Variants in FGGY observed in about 807,000 individuals in gnomAD.
FGGY encodes the protein FGGY carbohydrate kinase domain containing.
In FGGY, 72 loss-of-function variants were observed where a neutral mutation model predicts 71.3. That is an observed-to-expected ratio of 1.01 (90% CI 0.84 to 1.23). The LOEUF (loss-of-function observed/expected upper bound fraction) is 1.23. FGGY is among the 50% of genes most tolerant of loss of function. The pLI is 0.00. For synonymous variants in FGGY, 251 were observed against 250.3 expected, an observed-to-expected ratio of 1.00 and a Z score of -0.02; for missense variants, 668 against 682.3, an observed-to-expected ratio of 0.98 and a Z score of 0.23.
intron 14 of FGGY, among the ~76,000 whole-genome samples, chr1:59,697,941 C>T (rs929918655): frequency 2.6e-5 from 4 of 152,106 alleles, no homozygotes; most frequent in Admixed American, 6.6e-5. Flanking sequence ...TCTTGGGTAA[C>T]GTGATTGAAC....
Position 59,512,414 on chromosome 1 carries a change from C to A in FGGY, c.774C>A (p.Leu258=). 1 of 1,613,858 alleles carries A rather than the reference C, an allele frequency of 6.2e-7. No homozygotes were observed. Among genetic ancestry groups the A allele is most frequent in the South Asian group, 1.1e-5 (1 of 91,030 alleles). ...LLPGIAVAAS[L]IDAHAGGLGV... is the part of the protein sequence containing the mutation. ...CTGGGATTGCGGTCGCAGCTTCACT[C>A]ATTGATGCCCATGCAGGAGGACTAG... is the stretch of plus-strand genomic sequence containing the variant. Residue 258 remains leucine, a synonymous_variant, in exon 7 of 16, where the codon CTC becomes CTA. Transcript: ENST00000303721.
intron 1 of FGGY, among the ~76,000 whole-genome samples, chr1:59,317,586 A>G (rs1019198598): frequency 6.6e-6 from 1 of 152,240 alleles, no homozygotes; most frequent in Non-Finnish European, 1.5e-5. Flanking sequence ...TTCATGACCC[A>G]GGAACAAAGG....
rs565967749 is a variant in FGGY at position 59,451,605 on chromosome 1, C to T, written c.555-5356C>T. 2.7e-4 allele frequency among the ~76,000 whole-genome samples: 41 copies of T among 151,996 alleles called. 1 individual carries two copies. Among genetic ancestry groups the T allele is most frequent in the Admixed American group, 9.8e-4 (15 of 15,260 alleles). On this transcript the variant is annotated intron_variant, in intron 5 of 15. Transcript: ENST00000303721. Reference sequence around the variant, plus strand: ...AAAGGGTCTCAGTGTCTACTGGTTCCTCTAGTCTTTGATTTCCACCATATT... The same window carrying T: ...AAAGGGTCTCAGTGTCTACTGGTTCTTCTAGTCTTTGATTTCCACCATATT...
intron 9 of FGGY, among the ~76,000 whole-genome samples, chr1:59,613,198 C>T (rs571031205): frequency 1.3e-5 from 2 of 152,274 alleles, no homozygotes; most frequent in East Asian, 3.9e-4. Flanking sequence ...AATATACATT[C>T]TTCTCAGCAA....
chr1:59,689,218 T>G (rs2097570247), intron 14 of FGGY, among the ~76,000 whole-genome samples: 1 of 152,100 alleles, frequency 6.6e-6, no homozygotes, highest in Non-Finnish European at 1.5e-5. Context: ...TGGCTTTGTG[T>G]AAGAAATGGG....
At chr1:59,462,081 G>T (rs2092281775) in intron 6 of FGGY, among the ~76,000 whole-genome samples, 2 of 151,830 alleles carry the variant, frequency 1.3e-5, no homozygotes, top group Non-Finnish European at 2.9e-5. Context: ...GCAGTGTTTG[G>T]TTTTTTGTCC....
chr1:59,655,820 CT>C (rs1444772455), intron 11 of FGGY, among the ~76,000 whole-genome samples: 5 of 152,086 alleles, frequency 3.3e-5, no homozygotes, highest in Admixed American at 6.5e-5. Context: ...GGTATTATCC[CT>C]TTTTTTGTGG....
intron 11 of FGGY, among the ~76,000 whole-genome samples, chr1:59,639,446 A>C (rs2096996254): frequency 6.6e-6 from 1 of 152,228 alleles, no homozygotes; most frequent in South Asian, 2.1e-4. Context: ...TCCATGAAGC[A>C]TGCCTACACA....
chr1:59,585,538 T>G (rs1048020485), intron 8 of FGGY, among the ~76,000 whole-genome samples: 3 of 152,198 alleles, frequency 2.0e-5, no homozygotes, highest in Admixed American at 2.0e-4. Context: ...ATTAAAGACT[T>G]AAATGTTAGA....
At chr1:59,688,308 C>T (rs2153998595) in intron 14 of FGGY, among the ~76,000 whole-genome samples, 1 of 152,298 alleles carries the variant, frequency 6.6e-6, no homozygotes, top group Non-Finnish European at 1.5e-5. Flanking sequence ...TCAGAGAGGG[C>T]AAGTGATTTA....
intron 1 of FGGY, among the ~76,000 whole-genome samples, chr1:59,309,301 G>T (rs995875292): frequency 6.6e-6 from 1 of 152,150 alleles, no homozygotes; most frequent in African/African-American, 2.4e-5. Flanking sequence ...TCAGTTGAAA[G>T]ATTCCTATGT....
chr1:59,666,711 C>G, intron 12 of FGGY, among the ~76,000 whole-genome samples: 1 of 152,218 alleles, frequency 6.6e-6, no homozygotes, highest in Non-Finnish European at 1.5e-5. Context: ...GAACCACTAC[C>G]TGGTTTCAGG....
intron 11 of FGGY, among the ~76,000 whole-genome samples, chr1:59,656,941 TC>T (rs1441358381): frequency 6.6e-6 from 1 of 152,210 alleles, no homozygotes; most frequent in Non-Finnish European, 1.5e-5. Context: ...AAAATTATCC[TC>T]CCGTTTCTGC....
intron 11 of FGGY, among the ~76,000 whole-genome samples, chr1:59,640,209 A>T (rs374795647): frequency 6.6e-5 from 10 of 152,188 alleles, no homozygotes; most frequent in Non-Finnish European, 1.0e-4. Context: ...TTATCACTCC[A>T]TGAATTTGCA....
At chr1:59,312,191 G>A (rs1295554631) in intron 1 of FGGY, among the ~76,000 whole-genome samples, 3 of 152,118 alleles carry the variant, frequency 2.0e-5, no homozygotes, top group East Asian at 1.9e-4. Flanking sequence ...ATTTTCTCCC[G>A]TTCTGTAAGT....
intron 5 of FGGY, among the ~76,000 whole-genome samples, chr1:59,400,629 T>A (rs991577364): frequency 4.6e-5 from 7 of 151,966 alleles, no homozygotes; most frequent in Admixed American, 2.0e-4. Flanking sequence ...TATTTTGGAG[T>A]TTTCCTTGTG....
intron 2 of FGGY, among the ~76,000 whole-genome samples, chr1:59,333,262 C>G (rs1482497347): frequency 2.6e-5 from 4 of 152,334 alleles, no homozygotes; most frequent in East Asian, 3.9e-4. Context: ...CAGACATGCA[C>G]TTTCTGGGCA....
intron 14 of FGGY, among the ~76,000 whole-genome samples, chr1:59,721,569 C>A (rs2097896598): frequency 1.3e-5 from 2 of 151,942 alleles, no homozygotes. Context: ...AACTCCTGAC[C>A]TCAAGTGATC....
chr1:59,303,321 C>T (rs987707892), intron 1 of FGGY, among the ~76,000 whole-genome samples: 7 of 152,040 alleles, frequency 4.6e-5, no homozygotes, highest in Admixed American at 4.6e-4. Context: ...ATGAGTTGGA[C>T]TTTTTTAGAT....
Sources: allele counts gnomAD v4.1 joint callset (sites outside exome capture counted in the v4.1 genomes callset), GRCh38; gene constraint gnomAD v4.1.1; transcripts MANE v1.5; gene names NCBI Gene and HGNC (gene_info 2026-07-23, HGNC 2026-07-21).